The following TFEB variants were observed in gnomAD, a reference collection of about 807,000 sequenced individuals.
TFEB encodes the protein T-cell transcription factor EB.
A neutral mutation model predicts 48.0 loss-of-function variants in TFEB; 12 were observed. The ratio of observed to expected loss-of-function variants is 0.25; its 90% CI spans 0.16 to 0.40. The LOEUF is 0.40. Ranked by LOEUF, TFEB falls within the 10% of genes least tolerant of loss-of-function variation. TFEB has a pLI of 1.00. For synonymous variants in TFEB, 244 were observed against 261.4 expected (o/e 0.93, Z 0.64); for missense variants, 509 against 640.3 (o/e 0.79, Z 2.21).
intron 1 of TFEB, among the ~76,000 whole-genome samples, chr6:41,729,526 A>G (rs141470292): frequency 5.3e-5 from 8 of 152,294 alleles, no homozygotes; most frequent in East Asian, 3.9e-4. Context: ...CTCCCCAATT[A>G]TTGCAATAAT....
chr6:41,715,684 A>G (rs899559153), intron 1 of TFEB, among the ~76,000 whole-genome samples: 2 of 152,106 alleles, frequency 1.3e-5, no homozygotes, highest in Non-Finnish European at 2.9e-5. Flanking sequence ...AAGAAAAAAA[A>G]AAAAAAAGTC....
Position 41,684,547 on chromosome 6 carries a change from C to G in TFEB, c.*52G>C. Reference sequence around the variant, plus strand: ...AAGGGTGGGAGGGAGGTGCCCCTGGCCCTCCCAGCCCCCAGGCCGGCCCCT... The same window carrying G: ...AAGGGTGGGAGGGAGGTGCCCCTGGGCCTCCCAGCCCCCAGGCCGGCCCCT... On this transcript the variant is annotated 3_prime_UTR_variant, in exon 9 of 9. Coordinates refer to ENST00000373033, the MANE Select transcript of TFEB (RefSeq NM_001271944.2). 6.7e-7 allele frequency: 1 copy of G among 1,500,418 alleles called. No individual in the cohort carries two copies. The highest frequency in any genetic ancestry group is 1.4e-5 in the South Asian group (1 of 73,360). The allele number at this position is 1,500,418 out of a possible 1,614,324, so 92.9% of individuals were successfully genotyped here. A position where few individuals can be genotyped will look rare whatever the true frequency, so the allele number is the denominator to read the frequency against.
In TFEB at chr6:41,684,940, C is replaced by T. The variant is rs761119145; in HGVS notation, c.1090G>A (p.Ala364Thr). 6.3e-7 allele frequency: 1 copy of T among 1,586,076 alleles called. No homozygotes were observed. Among genetic ancestry groups the T allele is most frequent in the African/African-American group, 1.3e-5 (1 of 74,430 alleles). ...AGTGGCTCAGGGTCAGGGACCTCAG[C>T]CCCCAGCATCAGGGCCTCCCCTGGG... The part of the protein sequence containing the change: ...EGPGEALMLG[A>T]EVPDPEPLPA... Residue 364 changes from alanine (A) to threonine (T), a missense_variant, in exon 9 of 9, where the codon GCT (alanine) becomes ACT (threonine). This residue lies in a region of TFEB where 168 missense variants were observed against 161.0 expected (regional missense o/e 1.04). Transcript: ENST00000373033.
At position 41,684,317 on chromosome 6, in the gene TFEB, C is replaced by G. The variant is rs1448476598; in HGVS notation, c.*282G>C. ...TCTCCACCAGGCCCTCTTCTCACCTCTAGAACACCCTGCCCCTCCCTGCCC... is the reference window on the plus strand; with the variant it reads ...TCTCCACCAGGCCCTCTTCTCACCTGTAGAACACCCTGCCCCTCCCTGCCC... On this transcript the variant is annotated 3_prime_UTR_variant, in exon 9 of 9. Transcript: ENST00000373033. 4 of 359,570 alleles carry G rather than the reference C, an allele frequency of 1.1e-5. No homozygotes were observed. The highest frequency in any genetic ancestry group is 2.0e-5 in the Non-Finnish European group (4 of 200,566). The allele number at this position is 359,570 out of a possible 1,614,324, so 22.3% of individuals were successfully genotyped here.
In TFEB at chr6:41,735,583, C is replaced by T. The variant is rs533193931; in HGVS notation, c.-256G>A. 3.0e-4 allele frequency: 291 copies of T among 983,150 alleles called. 2 individuals carry two copies. The Middle Eastern group carries it at 5.2e-3, about 18-fold the overall frequency. 60.9% of individuals were successfully genotyped at this position (983,150 alleles called of 1,614,324 possible). A position where few individuals can be genotyped will look rare whatever the true frequency, so the allele number is the denominator to read the frequency against. On this transcript the variant is annotated 5_prime_UTR_variant, in exon 1 of 9. Coordinates refer to ENST00000373033, the MANE Select transcript of TFEB (RefSeq NM_001271944.2). ...CGCTGTCACCGAGCCCCGCGCCCGGCGCCCGGGCTCCGGCTGTCACTCCAC... is the reference window on the plus strand; with the variant it reads ...CGCTGTCACCGAGCCCCGCGCCCGGTGCCCGGGCTCCGGCTGTCACTCCAC...
At position 41,732,558 on chromosome 6, in the gene TFEB, C is replaced by T. The variant is rs981776582; in HGVS notation, c.-23+2792G>A. On this transcript the variant is annotated intron_variant, in intron 1 of 8. Transcript: ENST00000373033. ...GACACACATGCACAGTTCATCTCTA[C>T]CCACATTCCTAGACACTTTAACCAC... 17 of 985,510 alleles carry T rather than the reference C, an allele frequency of 1.7e-5. No homozygotes were observed. The African/African-American group carries it at 2.4e-4, about 14-fold the overall frequency. The allele number at this position is 985,510 out of a possible 1,614,324, so 61.0% of individuals were successfully genotyped here. A position where few individuals can be genotyped will look rare whatever the true frequency, so the allele number is the denominator to read the frequency against.
In TFEB at chr6:41,689,811, A is replaced by G. The variant is rs769387170; in HGVS notation, c.469T>C (p.Leu157=). 6.2e-7 allele frequency: 1 copy of G among 1,613,602 alleles called. No homozygotes were observed. The highest frequency in any genetic ancestry group is 1.1e-5 in the South Asian group (1 of 91,004). ...ATAATGTTGTCAATGACATCATCCA[A>G]CTGGAAAAGAGAAAAGTCCATCTGG... ...LHIGSNPERE[L]DDVIDNIMRL... Residue 157 remains leucine (L), a splice_region_variant and synonymous_variant, in exon 4 of 9, where the codon TTG becomes CTG. Coordinates refer to ENST00000373033, the MANE Select transcript of TFEB (RefSeq NM_001271944.2).
intron 1 of TFEB, chr6:41,732,820 G>T (rs1034709799): frequency 3.0e-6 from 3 of 985,810 alleles, no homozygotes; most frequent in African/African-American, 3.5e-5. Flanking sequence ...CCCACCCTCC[G>T]ATCAGAGGAG....
chr6:41,733,996 A>G (rs554699864), intron 1 of TFEB: 112 of 465,634 alleles, frequency 2.4e-4, no homozygotes, highest in Non-Finnish European at 3.0e-4. Context: ...GGGGGCCTGC[A>G]TCCGTCTTGT....
At chr6:41,716,784 C>G (rs1445397277) in intron 1 of TFEB, among the ~76,000 whole-genome samples, 1 of 152,170 alleles carries the variant, frequency 6.6e-6, no homozygotes, top group African/African-American at 2.4e-5. Flanking sequence ...AACAGCCCTC[C>G]AGGAGAGGAC....
intron 1 of TFEB, among the ~76,000 whole-genome samples, chr6:41,713,529 AT>A (rs1770577426): frequency 1.3e-5 from 2 of 152,198 alleles, no homozygotes; most frequent in East Asian, 1.9e-4. Flanking sequence ...TACTCCTCTA[AT>A]TGTCTCTGAG....
intron 1 of TFEB, among the ~76,000 whole-genome samples, chr6:41,726,879 T>C (rs902807002): frequency 2.0e-5 from 3 of 152,232 alleles, no homozygotes; most frequent in Admixed American, 2.0e-4. Context: ...TTCCCATACC[T>C]AGTTTCGCAA....
chr6:41,733,701 C>T, intron 1 of TFEB: 1 of 977,018 alleles, frequency 1.0e-6, no homozygotes, highest in Non-Finnish European at 1.2e-6. Flanking sequence ...GGCAGCTGAC[C>T]CTTCCCTTCC....
chr6:41,719,904 T>C (rs1294747032), intron 1 of TFEB, among the ~76,000 whole-genome samples: 2 of 152,188 alleles, frequency 1.3e-5, no homozygotes, highest in African/African-American at 4.8e-5. Flanking sequence ...GGCCTCAGCT[T>C]CCTGAGGCCC....
intron 1 of TFEB, among the ~76,000 whole-genome samples, chr6:41,732,432 T>C (rs775838817): frequency 6.6e-6 from 1 of 152,246 alleles, no homozygotes; most frequent in African/African-American, 2.4e-5. Context: ...TGTTGGCAAC[T>C]ATTGTATAAT....
At chr6:41,725,781 T>A (rs1244095505) in intron 1 of TFEB, among the ~76,000 whole-genome samples, 1 of 152,092 alleles carries the variant, frequency 6.6e-6, no homozygotes, top group African/African-American at 2.4e-5. Flanking sequence ...AAAATGAGAA[T>A]GAAAATGCAA....
At position 41,730,622 on chromosome 6, in the gene TFEB, C is replaced by T. The variant is rs1184821065; in HGVS notation, c.-23+4728G>A. 6.6e-6 allele frequency among the ~76,000 whole-genome samples: 1 copy of T among 152,240 alleles called. No individual in the cohort carries two copies. The highest frequency in any genetic ancestry group is 1.5e-5 in the Non-Finnish European group (1 of 68,036). The stretch of plus-strand genomic sequence containing the variant: ...TTGCCTCTGCTCCTCTTGGCTCTCA[C>T]CCACGGCTTTGCCATTTCACAGCAA... On this transcript the variant is annotated intron_variant, in intron 1 of 8. Transcript: ENST00000373033. The surrounding 1 kb of genome is among the most constrained non-coding windows in gnomAD (Gnocchi z 4.1).
At chr6:41,735,151 GC>G in intron 1 of TFEB, 198 bp downstream of exon 1, 2 of 948,926 alleles carry the variant, frequency 2.1e-6, no homozygotes, top group Non-Finnish European at 2.5e-6. Context: ...TCGGCGGGCA[GC>G]GCCGCTCGGG....
chr6:41,726,775 G>A (rs1201630689), intron 1 of TFEB, among the ~76,000 whole-genome samples: 5 of 152,152 alleles, frequency 3.3e-5, no homozygotes, highest in Admixed American at 3.3e-4. Context: ...TACATTATAT[G>A]TGTATGTTTA....
Sources: gnomAD v4.1 joint callset for allele counts (sites outside exome capture counted in the v4.1 genomes callset) on GRCh38, gnomAD v4.1.1 for gene constraint, gnomAD v4.1.1 regional missense constraint, Gnocchi (gnomAD v3.1) non-coding constraint, MANE v1.5 for transcripts, NCBI Gene and HGNC (gene_info 2026-07-23, HGNC 2026-07-21) for gene names.